DYNC1I1: variants seen among roughly 807,000 people sequenced by gnomAD.
DYNC1I1 encodes dynein cytoplasmic 1 intermediate chain 1.
In DYNC1I1, 43 loss-of-function variants were observed where a neutral mutation model predicts 86.6. That is an observed-to-expected ratio of 0.50 (90% CI 0.39 to 0.64). The LOEUF is 0.64. Ranked by LOEUF, DYNC1I1 falls within the 30% of genes least tolerant of loss-of-function variation. The probability of loss-of-function intolerance (pLI) is 0.00; values close to 1 mark genes in which losing one functional copy is unlikely to be tolerated. For missense variants in DYNC1I1, 604 were observed against 788.8 expected, an observed-to-expected ratio of 0.77 and a Z score of 2.81; for synonymous variants, 262 against 283.7, an observed-to-expected ratio of 0.92 and a Z score of 0.77.
chr7:96,015,068 T>C (rs967026478), intron 10 of DYNC1I1, among the ~76,000 whole-genome samples: 2 of 152,138 alleles, frequency 1.3e-5, no homozygotes, highest in Non-Finnish European at 2.9e-5. Flanking sequence ...AGACACATCA[T>C]CACAAGTCTA....
intron 10 of DYNC1I1, among the ~76,000 whole-genome samples, chr7:96,024,028 A>T (rs1794618015): frequency 6.6e-6 from 1 of 152,140 alleles, no homozygotes; most frequent in Admixed American, 6.5e-5. Flanking sequence ...GTGTTGGAAT[A>T]TTGACAGTCA....
chr7:95,886,112 A>G (rs1562933602), intron 6 of DYNC1I1, among the ~76,000 whole-genome samples: 1 of 152,190 alleles, frequency 6.6e-6, no homozygotes, highest in African/African-American at 2.4e-5. Flanking sequence ...TATGCTAAAC[A>G]AATTGTATTA....
At chr7:96,038,436 C>T (rs1169195369) in intron 13 of DYNC1I1, among the ~76,000 whole-genome samples, 1 of 152,154 alleles carries the variant, frequency 6.6e-6, no homozygotes, top group African/African-American at 2.4e-5. Context: ...CAAATAATAA[C>T]AGCTTAGTTA....
At position 96,002,792 on chromosome 7, in the gene DYNC1I1, G is replaced by C. The variant is rs549405779; in HGVS notation, c.969+6719G>C. ...CATCTTACCAATGAGTACAAAATAA[G>C]CTCAGCATTTTTTTTTTGGTTTTGG... On this transcript the variant is annotated intron_variant, in intron 10 of 16. Transcript: ENST00000447467. Among the ~76,000 whole-genome samples the C allele has an allele frequency of 3.3e-5, 5 of 151,866 alleles. No individual in the cohort carries two copies. In the South Asian group the frequency reaches 1.0e-3, roughly 32 times the overall value.
chr7:95,871,656 T>G (rs550703733), intron 6 of DYNC1I1, among the ~76,000 whole-genome samples: 10 of 152,146 alleles, frequency 6.6e-5, no homozygotes, highest in Non-Finnish European at 1.5e-4. Flanking sequence ...AAAGAAATAT[T>G]TACAAGGGAA....
In DYNC1I1 at chr7:96,046,145, T is replaced by C. The variant is rs547069189; in HGVS notation, c.1509+6724T>C. 2.4e-4 allele frequency among the ~76,000 whole-genome samples: 37 copies of C among 152,266 alleles called. 2 individuals are homozygous for C. The South Asian group carries it at 4.6e-3, about 19-fold the overall frequency. On this transcript the variant is annotated intron_variant, in intron 14 of 16. Coordinates refer to ENST00000447467, the MANE Select transcript of DYNC1I1 (RefSeq NM_001135556.2). ...AGAACCAGGCTGCATTCCAGGCAGC[T>C]GAGTCAACAAATGTCCAAGCAGCCA... is the stretch of plus-strand genomic sequence containing the variant.
chr7:95,922,001 G>T (rs545290287), intron 6 of DYNC1I1, among the ~76,000 whole-genome samples: 6 of 152,080 alleles, frequency 3.9e-5, no homozygotes, highest in Non-Finnish European at 8.8e-5. Context: ...GAACACACTT[G>T]AATTTTCCCA....
intron 4 of DYNC1I1, among the ~76,000 whole-genome samples, chr7:95,815,165 T>C (rs370490495): frequency 2.0e-5 from 3 of 152,156 alleles, no homozygotes; most frequent in East Asian, 3.9e-4. Context: ...CCTATGCTGT[T>C]AGTACTCTGG....
intron 6 of DYNC1I1, among the ~76,000 whole-genome samples, chr7:95,953,359 C>T (rs527389788): frequency 6.6e-5 from 10 of 151,588 alleles, no homozygotes; most frequent in African/African-American, 2.4e-4. Context: ...GTGAGTGGAA[C>T]AGCATTTCTC....
chr7:95,968,824 C>G (rs1548398), intron 6 of DYNC1I1, among the ~76,000 whole-genome samples: 2,360 of 94,394 alleles, frequency 0.025, 89 homozygotes, highest in East Asian at 0.098. Context: ...ATTTTTTGCT[C>G]TGTGTGTGTG....
chr7:95,793,058 C>T (rs1174816245), intron 1 of DYNC1I1, among the ~76,000 whole-genome samples: 1 of 152,062 alleles, frequency 6.6e-6, no homozygotes, highest in Admixed American at 6.5e-5. Flanking sequence ...CTGATGGGTA[C>T]ACTACCATCA....
intron 6 of DYNC1I1, among the ~76,000 whole-genome samples, chr7:95,961,767 C>G (rs1259194647): frequency 1.3e-5 from 2 of 152,176 alleles, no homozygotes; most frequent in African/African-American, 4.8e-5. Flanking sequence ...AAAGCTGTAG[C>G]CTGTTGGGAA....
At chr7:95,886,487 G>GA (rs11285446) in intron 6 of DYNC1I1, among the ~76,000 whole-genome samples, 27 of 149,102 alleles carry the variant, frequency 1.8e-4, no homozygotes, top group Admixed American at 8.7e-4. Flanking sequence ...CTCACCAAAA[G>GA]AAAAAAAAAA....
chr7:95,814,472 G>A (rs796382310), intron 4 of DYNC1I1, among the ~76,000 whole-genome samples: 43 of 152,256 alleles, frequency 2.8e-4, no homozygotes, highest in African/African-American at 1.0e-3. Flanking sequence ...CCTTGTCTGT[G>A]TGCATTTCTT....
Position 95,785,775 on chromosome 7 carries a change from G to GTATATATATA in DYNC1I1, c.-10+13036_-10+13045dup, listed in dbSNP as rs200152096. On this transcript the variant is annotated intron_variant, in intron 1 of 16. Coordinates refer to ENST00000447467, the MANE Select transcript of DYNC1I1 (RefSeq NM_001135556.2). ...TGTATGTATATATATGTGTGTATGT[G>GTATATATATA]TATATATATATATATATATATATAT... Among the ~76,000 whole-genome samples the GTATATATATA allele has an allele frequency of 9.6e-5, 12 of 124,882 alleles. 1 individual carries two copies. Among genetic ancestry groups the GTATATATATA allele is most frequent in the Non-Finnish European group, 1.7e-4 (10 of 57,668 alleles). The allele number at this position is 124,882 out of a possible 152,430, so 81.9% of individuals were successfully genotyped here.
In DYNC1I1 at chr7:95,810,431, T is replaced by A; in HGVS notation, c.148T>A (p.Ser50Thr). 1 of 1,613,056 alleles carries A rather than the reference T, an allele frequency of 6.2e-7. No individual in the cohort carries two copies. The highest frequency in any genetic ancestry group is 8.5e-7 in the Non-Finnish European group (1 of 1,179,370). The change falls in exon 3 of 17, where the codon TCT (serine) becomes ACT (threonine). Residue 50 changes from serine to threonine, a missense_variant. Transcript: ENST00000447467. ...GAAGAAAGAACCCGTTCAGGACGAC[T>A]CTGATCTGGATCGCAAACGACGAGA... ...QQKKEPVQDD[S>T]DLDRKRRETE...
At chr7:95,976,328 T>C (rs1793302321) in intron 6 of DYNC1I1, among the ~76,000 whole-genome samples, 1 of 152,208 alleles carries the variant, frequency 6.6e-6, no homozygotes, top group African/African-American at 2.4e-5. Context: ...ATATCTGTAT[T>C]TTTAAAATTG....
intron 10 of DYNC1I1, among the ~76,000 whole-genome samples, chr7:96,023,795 T>G (rs1380086595): frequency 6.6e-6 from 1 of 152,198 alleles, no homozygotes; most frequent in Non-Finnish European, 1.5e-5. Flanking sequence ...CTGGGCCATC[T>G]GCTCAGGATT....
At chr7:95,919,153 G>A (rs1420663937) in intron 6 of DYNC1I1, among the ~76,000 whole-genome samples, 3 of 152,042 alleles carry the variant, frequency 2.0e-5, no homozygotes, top group Non-Finnish European at 2.9e-5. Flanking sequence ...ATAAGGCTAT[G>A]CATTCTTGCA....
Sources: gnomAD v4.1 joint callset for allele counts (sites outside exome capture counted in the v4.1 genomes callset) on GRCh38, gnomAD v4.1.1 for gene constraint, MANE v1.5 for transcripts, NCBI Gene and HGNC (gene_info 2026-07-23, HGNC 2026-07-21) for gene names.